Variants in EMX1 observed in about 807,000 individuals in gnomAD.
EMX1 encodes homeobox protein EMX1.
Under a neutral mutation model 20.1 loss-of-function variants are expected in EMX1, and 10 were observed. The ratio of observed to expected loss-of-function variants is 0.50; its 90% CI spans 0.31 to 0.84. The LOEUF is 0.84. EMX1 is among the 40% of genes least tolerant of loss of function. EMX1 has a pLI of 0.05. For synonymous variants in EMX1, 250 were observed against 200.4 expected, an observed-to-expected ratio of 1.25 and a Z score of -2.09; for missense variants, 424 against 431.9, an observed-to-expected ratio of 0.98 and a Z score of 0.16.
rs148037801 is a variant in EMX1 at position 72,922,817 on chromosome 2, A to C, written c.521-1492A>C. On this transcript the variant is annotated intron_variant, in intron 1 of 2. Coordinates refer to ENST00000258106, the MANE Select transcript of EMX1 (RefSeq NM_004097.3). ...TTACATAGATGTTTCCAGAGATGGG[A>C]GATGTTAACTGAATTATCCAGGTGA... Among the ~76,000 whole-genome samples, 611 of 152,356 alleles carry C rather than the reference A, an allele frequency of 4.0e-3. 21 individuals carry two copies. The highest frequency in any genetic ancestry group is 0.036 in the Admixed American group (549 of 15,300).
chr2:72,931,829 C>T (rs1293741126), intron 2 of EMX1, among the ~76,000 whole-genome samples: 1 of 152,262 alleles, frequency 6.6e-6, no homozygotes, highest in Non-Finnish European at 1.5e-5. Context: ...GCCAGCTGCC[C>T]CCATCCCCAT....
In EMX1 at chr2:72,918,247, C is replaced by G; in HGVS notation, c.395C>G (p.Pro132Arg). ...AACCACCCCGCGCTGACCGTGCATC[C>G]GGCGCACCAGCTGGGCGCCTCCCCG... The part of the protein sequence containing the change: ...AMNHPALTVH[P>R]AHQLGASPLQ... The change falls in exon 1 of 3, where the codon CCG (proline) becomes CGG (arginine). Residue 132 changes from proline to arginine, a missense_variant. By Grantham distance (103) the Pro-to-Arg change is moderately radical. Transcript: ENST00000258106. 6.3e-7 allele frequency: 1 copy of G among 1,579,984 alleles called. No individual in the cohort carries two copies. Among genetic ancestry groups the G allele is most frequent in the Non-Finnish European group, 8.5e-7 (1 of 1,173,320 alleles).
chr2:72,932,763 CA>C (rs1339246695), intron 2 of EMX1, among the ~76,000 whole-genome samples: 3 of 152,204 alleles, frequency 2.0e-5, no homozygotes, highest in African/African-American at 7.2e-5. Context: ...GTTTGAACCC[CA>C]CCCCATACCT....
At chr2:72,919,392 G>A (rs973983763) in intron 1 of EMX1, among the ~76,000 whole-genome samples, 5 of 151,850 alleles carry the variant, frequency 3.3e-5, no homozygotes, top group African/African-American at 1.2e-4. Context: ...TATTTTGTTA[G>A]TGTAGACCAG....
chr2:72,934,311 CT>C lies in EMX1; in HGVS notation c.*359del, dbSNP rs1461775610. 1.4e-5 allele frequency: 3 copies of C among 208,088 alleles called. No individual in the cohort carries two copies. The highest frequency in any genetic ancestry group is 2.9e-5 in the Non-Finnish European group (3 of 103,226). The allele number at this position is 208,088 out of a possible 1,614,324, so 12.9% of individuals were successfully genotyped here. On this transcript the variant is annotated 3_prime_UTR_variant, in exon 3 of 3. Transcript: ENST00000258106. ...TAGTTTAGTGATCCCCAGTGTCCCC[CT>C]TCCCTATGGGAATAATAAAAGTCTC...
intron 1 of EMX1, among the ~76,000 whole-genome samples, chr2:72,920,172 G>C (rs928214520): frequency 6.6e-6 from 1 of 152,188 alleles, no homozygotes; most frequent in Non-Finnish European, 1.5e-5. Context: ...CTGCCTCCGG[G>C]CGCCGAGGGC....
chr2:72,916,541 CT>C (rs1670965010), upstream of EMX1: 1 of 608,328 alleles, frequency 1.6e-6, no homozygotes, highest in Non-Finnish European at 2.9e-6. Context: ...GTCGTGAGAA[CT>C]GCCCCCGGGG....
intron 2 of EMX1, chr2:72,925,352 G>C: frequency 1.7e-6 from 2 of 1,183,438 alleles, no homozygotes; most frequent in East Asian, 1.4e-4. Flanking sequence ...GAAAGTTATA[G>C]GGAGGTGGAT....
At chr2:72,918,431 C>CG (rs1671036078) in intron 1 of EMX1, 59 bp downstream of exon 1, 11 of 1,342,540 alleles carry the variant, frequency 8.2e-6, no homozygotes, top group Non-Finnish European at 1.0e-5. Context: ...TGCGGCGATG[C>CG]GGGGGAGGCT....
chr2:72,926,851 G>A (rs530622377), intron 2 of EMX1, among the ~76,000 whole-genome samples: 102 of 152,130 alleles, frequency 6.7e-4, no homozygotes, highest in African/African-American at 2.2e-3. Flanking sequence ...CCTTTCTGTT[G>A]CCCTCATAAC....
chr2:72,928,923 G>A (rs1015940697), intron 2 of EMX1, among the ~76,000 whole-genome samples: 1 of 152,092 alleles, frequency 6.6e-6, no homozygotes, highest in Non-Finnish European at 1.5e-5. Context: ...TTTGAGGCAG[G>A]CAGATGAAGA....
Position 72,930,909 on chromosome 2 carries a change from CT to C in EMX1, c.706-2872del, listed in dbSNP as rs2105271143. On this transcript the variant is annotated intron_variant, in intron 2 of 2. Coordinates refer to ENST00000258106, the MANE Select transcript of EMX1 (RefSeq NM_004097.3). This position sits in a 1 kb window ranked among gnomAD's most constrained non-coding sequence, Gnocchi z 4.4. ...CACTTTAGGTATATTTCCTTCTAGT[CT>C]TTTTTCCCCGTGTGTAGATTTTGTT... Among the ~76,000 whole-genome samples the C allele has an allele frequency of 6.6e-6, 1 of 152,288 alleles. No individual in the cohort carries two copies. Among genetic ancestry groups the C allele is most frequent in the African/African-American group, 2.4e-5 (1 of 41,570 alleles).
In EMX1 at chr2:72,917,743, AC is replaced by A; in HGVS notation, c.-106del. ...GCGCCTGGCCGTACGCTGTGGCCGG[AC>A]CCCGCGGTCGCTCGCTCACACACCC... On this transcript the variant is annotated 5_prime_UTR_variant, in exon 1 of 3. Transcript: ENST00000258106. 9.5e-7 allele frequency: 1 copy of A among 1,058,012 alleles called. No homozygotes were observed. Among genetic ancestry groups the A allele is most frequent in the Non-Finnish European group, 1.2e-6 (1 of 840,818 alleles). The allele number at this position is 1,058,012 out of a possible 1,614,324, so 65.5% of individuals were successfully genotyped here.
chr2:72,916,755 G>T (rs547816271), upstream of EMX1: 433 of 717,240 alleles, frequency 6.0e-4, no homozygotes, highest in Non-Finnish European at 9.5e-4. Context: ...GGTCCGGCCC[G>T]CCGACACTTG....
At chr2:72,924,175 G>A (rs776231268) in intron 1 of EMX1, 134 bp from the exon 2 acceptor site, 1 of 1,094,748 alleles carries the variant, frequency 9.1e-7, no homozygotes, top group South Asian at 1.4e-5. Context: ...TGGCGTGTGT[G>A]TGCGTGTCAA....
At chr2:72,919,410 C>T (rs1278457662) in intron 1 of EMX1, among the ~76,000 whole-genome samples, 1 of 151,976 alleles carries the variant, frequency 6.6e-6, no homozygotes, top group Non-Finnish European at 1.5e-5. Context: ...CAGACCACAG[C>T]CTTGTGAGAA....
chr2:72,921,794 A>G lies in EMX1; in HGVS notation c.521-2515A>G, dbSNP rs139661144. Among the ~76,000 whole-genome samples, 10 of 152,304 alleles carry G rather than the reference A, an allele frequency of 6.6e-5. No individual in the cohort carries two copies. In the East Asian group the frequency reaches 1.7e-3, roughly 26 times the overall value. On this transcript the variant is annotated intron_variant, in intron 1 of 2. Transcript: ENST00000258106. ...GACAATGACCTGGGGCCATTTTCTC[A>G]GTAAGGTAGACCCAAAGCAACCTAG... is the stretch of plus-strand genomic sequence containing the variant.
intron 1 of EMX1, 135 bp from the exon 2 acceptor site, chr2:72,924,174 T>A (rs553616599): frequency 9.3e-7 from 1 of 1,077,496 alleles, no homozygotes; most frequent in African/African-American, 1.6e-5. Flanking sequence ...ATGGCGTGTG[T>A]GTGCGTGTCA....
chr2:72,916,693 G>A (rs1364107271), upstream of EMX1: 3 of 717,138 alleles, frequency 4.2e-6, no homozygotes, highest in South Asian at 1.5e-5. Context: ...GATGGGCTCG[G>A]GCTACTTGGC....
Sources: gnomAD v4.1 joint callset for allele counts (sites outside exome capture counted in the v4.1 genomes callset) on GRCh38, gnomAD v4.1.1 for gene constraint, Gnocchi (gnomAD v3.1) non-coding constraint, MANE v1.5 for transcripts, NCBI Gene and HGNC (gene_info 2026-07-23, HGNC 2026-07-21) for gene names.